PCDH11X: variants seen among roughly 807,000 people sequenced by gnomAD.
The protein encoded by PCDH11X is protocadherin-11 X-linked.
Under a neutral mutation model 53.3 loss-of-function variants are expected in PCDH11X, and 18 were observed. The ratio of observed to expected loss-of-function variants is 0.34; its 90% CI spans 0.23 to 0.50. The LOEUF is 0.50. PCDH11X is among the 20% of genes least tolerant of loss of function. The pLI is 0.98. For missense variants in PCDH11X, 570 were observed against 1,032.4 expected (o/e 0.55, Z 6.14); for synonymous variants, 279 against 393.3 (o/e 0.71, Z 3.44).
In PCDH11X at chrX:91,803,271, A is replaced by G. The variant is rs748512032; in HGVS notation, c.-378-6195A>G. 5.5e-3 allele frequency among the ~76,000 whole-genome samples: 616 copies of G among 111,220 alleles called. 4 individuals carry two copies. The highest frequency in any genetic ancestry group is 0.018 in the African/African-American group (556 of 30,721). On this transcript the variant is annotated intron_variant, in intron 1 of 10. Transcript: ENST00000682573. ...GAAACATACGGAATGAAGCCTCCGT[A>G]TAATTGTTTATCCCATTATCAGAAA...
At chrX:92,160,254 G>A (rs1486037508) in intron 6 of PCDH11X, among the ~76,000 whole-genome samples, 2 of 108,793 alleles carry the variant, frequency 1.8e-5, no homozygotes, top group South Asian at 4.0e-4. Flanking sequence ...TTTTGTGCAC[G>A]AATCTCCCAA....
intron 1 of PCDH11X, among the ~76,000 whole-genome samples, chrX:91,804,130 C>T (rs1177955706): frequency 8.9e-6 from 1 of 112,010 alleles, no homozygotes; most frequent in Non-Finnish European, 1.9e-5. Context: ...GATACATTCT[C>T]TCTTTTTACC....
intron 5 of PCDH11X, among the ~76,000 whole-genome samples, chrX:91,865,939 C>T (rs1223998085): frequency 9.1e-6 from 1 of 109,753 alleles, no homozygotes; most frequent in African/African-American, 3.3e-5. Flanking sequence ...AAATGCTACC[C>T]AAGGGTCGTG....
At chrX:91,900,925 G>A (rs2524560) in intron 6 of PCDH11X, among the ~76,000 whole-genome samples, 1 of 111,296 alleles carries the variant, frequency 9.0e-6, no homozygotes, top group African/African-American at 3.3e-5. Context: ...AATGGTAACT[G>A]TAGTGATTCT....
At position 91,877,880 on chromosome X, in the gene PCDH11X, T is replaced by C; in HGVS notation, c.1640T>C (p.Val547Ala). ...ACAATTCTGGCAAAAGATAACGGGG[T>C]ACCACCCTTAACCAGCAATGTCACA... ...LFTILAKDNG[V>A]PPLTSNVTVF... Residue 547 changes from valine to alanine, a missense_variant, in exon 6 of 11, where the codon GTA becomes GCA. By Grantham distance (64) the Val-to-Ala change is moderately conservative. Coordinates refer to ENST00000682573, the MANE Select transcript of PCDH11X (RefSeq NM_032968.5). 5.0e-6 allele frequency: 6 copies of C among 1,211,520 alleles called. No homozygotes were observed. The highest frequency in any genetic ancestry group is 6.7e-6 in the Non-Finnish European group (6 of 895,399).
intron 6 of PCDH11X, among the ~76,000 whole-genome samples, chrX:91,922,565 T>C (rs763306617): frequency 8.9e-6 from 1 of 112,090 alleles, no homozygotes; most frequent in African/African-American, 3.2e-5. Context: ...TGGCTTTCAT[T>C]ACTGCCTGAG....
At chrX:92,295,740 TGTGTGTGTG>T (rs2068592527) in intron 8 of PCDH11X, among the ~76,000 whole-genome samples, 1 of 6,574 alleles carries the variant, frequency 1.5e-4, no homozygotes, top group Admixed American at 1.6e-3. Flanking sequence ...CAGGTGTGTT[TGTGTGTGTG>T]TGTGTGTGTG....
intron 6 of PCDH11X, among the ~76,000 whole-genome samples, chrX:91,886,863 C>T (rs1471721585): frequency 6.7e-5 from 7 of 104,835 alleles, no homozygotes; most frequent in East Asian, 6.1e-4. Context: ...CCCAGCTACT[C>T]GGGAGGCTGA....
chrX:92,083,539 G>A (rs2063897282), intron 6 of PCDH11X, among the ~76,000 whole-genome samples: 1 of 110,953 alleles, frequency 9.0e-6, no homozygotes, highest in Non-Finnish European at 1.9e-5. Flanking sequence ...TAAATATGAG[G>A]GGAATTTTCA....
At chrX:91,797,002 T>C (rs192192950) in intron 1 of PCDH11X, among the ~76,000 whole-genome samples, 1 of 111,986 alleles carries the variant, frequency 8.9e-6, no homozygotes, top group Non-Finnish European at 1.9e-5. Context: ...TAATAATTAC[T>C]ATGCACATAA....
At position 91,883,025 on chromosome X, in the gene PCDH11X, A is replaced by T. The variant is rs1433431871; in HGVS notation, c.3033+3752A>T. On this transcript the variant is annotated intron_variant, in intron 6 of 10. Coordinates refer to ENST00000682573, the MANE Select transcript of PCDH11X (RefSeq NM_032968.5). ...ATTGTGATTTCAAAATTAGGCTAAG[A>T]TCATTAATTTTGTAATCTAGATTTC... 2.2e-5 allele frequency: 25 copies of T among 1,115,302 alleles called. No individual in the cohort carries two copies. In the East Asian group the frequency reaches 7.6e-4, roughly 34 times the overall value. 91.9% of individuals were successfully genotyped at this position (1,115,302 alleles called of 1,213,427 possible).
At chrX:92,529,102 T>G (rs1442816878) in intron 10 of PCDH11X, among the ~76,000 whole-genome samples, 5 of 111,670 alleles carry the variant, frequency 4.5e-5, no homozygotes, top group African/African-American at 1.6e-4. Flanking sequence ...GCCATTTTTA[T>G]GGGTTTATAG....
At chrX:92,489,787 A>G (rs921120073) in intron 10 of PCDH11X, among the ~76,000 whole-genome samples, 9 of 105,505 alleles carry the variant, frequency 8.5e-5, no homozygotes, top group Non-Finnish European at 1.5e-4. Flanking sequence ...ATACACATAT[A>G]TATAAAAATT....
At chrX:92,260,232 G>A (rs773283215) in intron 7 of PCDH11X, among the ~76,000 whole-genome samples, 46 of 111,546 alleles carry the variant, frequency 4.1e-4, no homozygotes, top group Non-Finnish European at 8.1e-4. Context: ...GAGTGCTGTA[G>A]CCATAGGTGG....
intron 10 of PCDH11X, among the ~76,000 whole-genome samples, chrX:92,483,253 TG>T (rs1329912051): frequency 9.1e-6 from 1 of 109,776 alleles, no homozygotes; most frequent in African/African-American, 3.3e-5. Context: ...ACAGAGACAT[TG>T]GTTACAATAA....
chrX:91,962,954 C>T (rs35831129), intron 6 of PCDH11X, among the ~76,000 whole-genome samples: 4 of 110,207 alleles, frequency 3.6e-5, no homozygotes, highest in Non-Finnish European at 7.6e-5. Flanking sequence ...CAAGACTACA[C>T]AAAGCAGCAA....
chrX:92,494,075 C>A (rs937001254), intron 10 of PCDH11X, among the ~76,000 whole-genome samples: 1 of 106,556 alleles, frequency 9.4e-6, no homozygotes, highest in Non-Finnish European at 1.9e-5. Context: ...AAGAGTTAAA[C>A]ACCCATACCA....
At chrX:91,900,267 C>T (rs1309554682) in intron 6 of PCDH11X, among the ~76,000 whole-genome samples, 1 of 110,524 alleles carries the variant, frequency 9.0e-6, no homozygotes, top group Non-Finnish European at 1.9e-5. Flanking sequence ...ATCTTAACTT[C>T]CAGTTTAATG....
In PCDH11X at chrX:92,164,659, A is replaced by AT. The variant is rs199797717; in HGVS notation, c.3034-36706dup. ...TAAAGAGTGTCATTTTTTAAATGTC[A>AT]TTTTTTTTTTGTAATTCTGATGCAA... On this transcript the variant is annotated intron_variant, in intron 6 of 10. Transcript: ENST00000682573. 5.6e-3 allele frequency among the ~76,000 whole-genome samples: 584 copies of AT among 104,145 alleles called. 5 individuals are homozygous for AT. The highest frequency in any genetic ancestry group is 0.018 in the African/African-American group (519 of 28,733). 90.4% of individuals were successfully genotyped at this position (104,145 alleles called of 115,157 possible).
Sources: allele counts gnomAD v4.1 joint callset (sites outside exome capture counted in the v4.1 genomes callset), GRCh38; gene constraint gnomAD v4.1.1; transcripts MANE v1.5; gene names NCBI Gene and HGNC (gene_info 2026-07-23, HGNC 2026-07-21).